Variants in SLC22A8 observed in about 807,000 individuals in gnomAD.
SLC22A8 encodes solute carrier family 22 member 8.
A neutral mutation model predicts 48.4 loss-of-function variants in SLC22A8; 40 were observed. The ratio of observed to expected loss-of-function variants is 0.83; its 90% CI spans 0.64 to 1.08. SLC22A8 has a LOEUF of 1.08. Among genes scored for constraint, SLC22A8 ranks in the 50% least tolerant of loss-of-function variants. The pLI is 0.00. For missense variants in SLC22A8, 606 were observed against 699.0 expected (o/e 0.87, Z 1.50); for synonymous variants, 268 against 286.3 (o/e 0.94, Z 0.65).
At position 63,011,990 on chromosome 11, in the gene SLC22A8, CT is replaced by C. The variant is rs763880600; in HGVS notation, c.333+2635del. ...AATCTTGACTTTTTGCTCTCTTTTT[CT>C]TTTTTTTTTTTTTTGAGATGGGGTT... On this transcript the variant is annotated intron_variant, in intron 2 of 10. Coordinates refer to ENST00000336232, the MANE Select transcript of SLC22A8 (RefSeq NM_004254.4). Among the ~76,000 whole-genome samples the C allele has an allele frequency of 2.7e-3, 383 of 141,226 alleles. 1 individual carries two copies. Among genetic ancestry groups the C allele is most frequent in the Admixed American group, 2.7e-3 (38 of 14,134 alleles). 92.6% of individuals were successfully genotyped at this position (141,226 alleles called of 152,430 possible). A position where few individuals can be genotyped will look rare whatever the true frequency, so the allele number is the denominator to read the frequency against.
At chr11:63,005,916 G>A (rs926960972) in intron 2 of SLC22A8, among the ~76,000 whole-genome samples, 6 of 152,128 alleles carry the variant, frequency 3.9e-5, no homozygotes, top group African/African-American at 1.4e-4. Flanking sequence ...TATACGGCAC[G>A]ATTCCTGAAT....
intron 5 of SLC22A8, among the ~76,000 whole-genome samples, chr11:62,998,466 G>T (rs534051156): frequency 1.3e-5 from 2 of 152,232 alleles, no homozygotes; most frequent in South Asian, 2.1e-4. Flanking sequence ...ATATATCCCA[G>T]ATTAGTCTCC....
chr11:62,993,727 C>T lies in SLC22A8; in HGVS notation c.1325+43G>A, dbSNP rs2086373810. 3.8e-6 allele frequency: 6 copies of T among 1,587,162 alleles called. No homozygotes were observed. The African/African-American group carries it at 4.0e-5, about 11-fold the overall frequency. On this transcript the variant is annotated intron_variant, in intron 9 of 10. Transcript: ENST00000336232. Reference sequence around the variant, plus strand: ...AGGACAATGCCACAGTCCCACCTGACCTGTGTCCTCTGGCTGGGCCTGGCC... The same window carrying T: ...AGGACAATGCCACAGTCCCACCTGATCTGTGTCCTCTGGCTGGGCCTGGCC...
chr11:62,993,110 A>G lies in SLC22A8; in HGVS notation c.*127T>C, dbSNP rs772853517. On this transcript the variant is annotated 3_prime_UTR_variant, in exon 11 of 11. Coordinates refer to ENST00000336232, the MANE Select transcript of SLC22A8 (RefSeq NM_004254.4). ...GGAGGCTCTGGTGGTGGTGATGGAG[A>G]CACCTTCACCAAGCTCTCAGAAGGC... 7.4e-5 allele frequency: 50 copies of G among 671,994 alleles called. No individual in the cohort carries two copies. Among genetic ancestry groups the G allele is most frequent in the Non-Finnish European group, 1.1e-4 (45 of 393,066 alleles). The allele number at this position is 671,994 out of a possible 1,614,324, so 41.6% of individuals were successfully genotyped here.
intron 2 of SLC22A8, among the ~76,000 whole-genome samples, chr11:63,001,799 A>G (rs575081578): frequency 1.1e-3 from 160 of 152,316 alleles, no homozygotes; most frequent in Non-Finnish European, 1.4e-3. Context: ...CAGTGGTCCC[A>G]CTTGAGAACT....
At chr11:62,995,041 G>T in intron 7 of SLC22A8, 1 of 477,026 alleles carries the variant, frequency 2.1e-6, no homozygotes, top group Non-Finnish European at 3.9e-6. Flanking sequence ...AGGGAATCTC[G>T]GAGACCAAAG....
At chr11:63,012,100 C>T (rs2086625829) in intron 2 of SLC22A8, among the ~76,000 whole-genome samples, 1 of 151,992 alleles carries the variant, frequency 6.6e-6, no homozygotes, top group Non-Finnish European at 1.5e-5. Flanking sequence ...AGCAATTCTC[C>T]TGTCTCAGCC....
intron 9 of SLC22A8, 23 bp from the exon 10 acceptor site, chr11:62,993,650 T>C (rs762782203): frequency 1.9e-6 from 3 of 1,603,488 alleles, no homozygotes; most frequent in Non-Finnish European, 2.6e-6. Context: ...AGAGTAGGGA[T>C]TGGTAGCCTG....
In SLC22A8 at chr11:62,993,471, C is replaced by G. The variant is rs778754882; in HGVS notation, c.1482G>C (p.Glu494Asp). 1.9e-6 allele frequency: 3 copies of G among 1,614,164 alleles called. No individual in the cohort carries two copies. The highest frequency in any genetic ancestry group is 2.5e-6 in the Non-Finnish European group (3 of 1,180,026). ...TCTCTGGCAAGGGCTGATTCAGGGT[C>G]TCAGGCAGGAAGAGGGCAGCACTGC... ...LGGSAALFLP[E>D]TLNQPLPETI... is the part of the protein sequence containing the mutation. The change falls in exon 10 of 11, where the codon GAG (glutamate) becomes GAC (aspartate). Residue 494 changes from glutamate (E) to aspartate (D), a missense_variant. Transcript: ENST00000336232.
intron 2 of SLC22A8, among the ~76,000 whole-genome samples, chr11:63,002,128 T>TCTTCC (rs1428472366): frequency 2.0e-5 from 3 of 152,138 alleles, no homozygotes; most frequent in African/African-American, 7.2e-5. Context: ...CAGGCTGGTC[T>TCTTCC]CTAACTCCTG....
intron 5 of SLC22A8, among the ~76,000 whole-genome samples, chr11:62,997,846 T>A (rs1052069987): frequency 6.6e-6 from 1 of 152,200 alleles, no homozygotes; most frequent in African/African-American, 2.4e-5. Context: ...ACGACGTAGG[T>A]TGATGCCCAA....
At position 62,992,994 on chromosome 11, in the gene SLC22A8, G is replaced by A; in HGVS notation, c.*243C>T. ...GACAGTGGGGGAAGGTGGCCAGTGG[G>A]GAAGGGCTAGACAGAAGAATGGCAG... On this transcript the variant is annotated 3_prime_UTR_variant, in exon 11 of 11. Transcript: ENST00000336232. 2 of 534,970 alleles carry A rather than the reference G, an allele frequency of 3.7e-6. No homozygotes were observed. Among genetic ancestry groups the A allele is most frequent in the South Asian group, 3.0e-5 (1 of 33,682 alleles). The allele number at this position is 534,970 out of a possible 1,614,324, so 33.1% of individuals were successfully genotyped here. A position where few individuals can be genotyped will look rare whatever the true frequency, so the allele number is the denominator to read the frequency against.
At chr11:63,011,371 A>G (rs2086617546) in intron 2 of SLC22A8, among the ~76,000 whole-genome samples, 1 of 152,164 alleles carries the variant, frequency 6.6e-6, no homozygotes, top group African/African-American at 2.4e-5. Flanking sequence ...GCATGCAGTA[A>G]ATGTTATTGT....
intron 5 of SLC22A8, among the ~76,000 whole-genome samples, chr11:62,996,774 T>C (rs562513366): frequency 1.3e-5 from 2 of 152,300 alleles, no homozygotes; most frequent in South Asian, 2.1e-4. Flanking sequence ...GGCTATGCTT[T>C]TGAGATTGGC....
chr11:63,007,721 G>A (rs180757838), intron 2 of SLC22A8, among the ~76,000 whole-genome samples: 1 of 152,238 alleles, frequency 6.6e-6, no homozygotes, highest in Non-Finnish European at 1.5e-5. Context: ...GAAACTCACT[G>A]CCATGCCTTT....
intron 2 of SLC22A8, among the ~76,000 whole-genome samples, chr11:63,007,105 T>A (rs1297582301): frequency 6.6e-6 from 1 of 152,188 alleles, no homozygotes; most frequent in Non-Finnish European, 1.5e-5. Flanking sequence ...GTGACTTGTG[T>A]TTCCCTGGAC....
At chr11:62,994,829 A>C in intron 7 of SLC22A8, 73 bp from the exon 8 acceptor site, 1 of 1,142,330 alleles carries the variant, frequency 8.8e-7, no homozygotes, top group South Asian at 1.3e-5. Context: ...TCATTGGGTC[A>C]CCAGGATGAT....
At position 62,999,756 on chromosome 11, in the gene SLC22A8, A is replaced by ATG. The variant is rs1208010668; in HGVS notation, c.522_523dup (p.Ile175ThrfsTer19). On this transcript the variant is annotated frameshift_variant, in exon 4 of 11. Coordinates refer to ENST00000336232, the MANE Select transcript of SLC22A8 (RefSeq NM_004254.4). LOFTEE classifies it high-confidence loss of function. ...ACACAGGAAGCGGAAGACCATGTAG[A>ATG]TGGGGAAGGTGGGGCTGAAGGCTGC... 1.9e-6 allele frequency: 3 copies of ATG among 1,607,622 alleles called. No individual in the cohort carries two copies. Among genetic ancestry groups the ATG allele is most frequent in the Non-Finnish European group, 2.5e-6 (3 of 1,176,930 alleles).
At chr11:62,999,566 G>A in intron 4 of SLC22A8, 122 bp downstream of exon 4, 1 of 726,168 alleles carries the variant, frequency 1.4e-6, no homozygotes. Flanking sequence ...GGTCCTGAGA[G>A]GGGGTGGCAC....
Sources: gnomAD v4.1 joint callset for allele counts (sites outside exome capture counted in the v4.1 genomes callset) on GRCh38, gnomAD v4.1.1 for gene constraint, MANE v1.5 for transcripts, NCBI Gene and HGNC (gene_info 2026-07-23, HGNC 2026-07-21) for gene names.